The following CNTLN variants were observed in gnomAD, a reference collection of about 807,000 sequenced individuals.
CNTLN encodes centlein, also known as centlein, centrosomal protein.
In CNTLN, 212 loss-of-function variants were observed where a neutral mutation model predicts 180.0. The ratio of observed to expected loss-of-function variants is 1.18; its 90% CI spans 1.05 to 1.32. The LOEUF (loss-of-function observed/expected upper bound fraction) is 1.32, where lower values mean the gene tolerates loss of function less well. CNTLN is among the 40% of genes most tolerant of loss of function. The probability of loss-of-function intolerance (pLI) is 0.00; values close to 1 mark genes in which losing one functional copy is unlikely to be tolerated. For missense variants in CNTLN, 2,095 were observed against 1,610.9 expected, an observed-to-expected ratio of 1.30 and a Z score of -5.14; for synonymous variants, 722 against 563.1, an observed-to-expected ratio of 1.28 and a Z score of -3.99.
At chr9:17,308,309 C>A (rs1818875888) in intron 7 of CNTLN, among the ~76,000 whole-genome samples, 1 of 152,100 alleles carries the variant, frequency 6.6e-6, no homozygotes, top group Non-Finnish European at 1.5e-5. Context: ...AATATTGCTT[C>A]TATTTTTTCA....
chr9:17,468,120 C>T (rs936303064), intron 23 of CNTLN, among the ~76,000 whole-genome samples: 1 of 151,532 alleles, frequency 6.6e-6, no homozygotes, highest in African/African-American at 2.4e-5. Flanking sequence ...GGCCATTATC[C>T]TAAGTGAACT....
chr9:17,157,166 ACT>A (rs774664035), intron 2 of CNTLN, among the ~76,000 whole-genome samples: 3 of 151,870 alleles, frequency 2.0e-5, no homozygotes, highest in East Asian at 1.9e-4. Flanking sequence ...TTTTGAGAAG[ACT>A]CTTTTTCTGA....
At chr9:17,146,332 C>A (rs942872547) in intron 2 of CNTLN, among the ~76,000 whole-genome samples, 1 of 151,952 alleles carries the variant, frequency 6.6e-6, no homozygotes, top group South Asian at 2.1e-4. Context: ...TGTTGTATCT[C>A]CTCAGTGGCC....
At chr9:17,460,212 C>T (rs928319254) in intron 19 of CNTLN, among the ~76,000 whole-genome samples, 1 of 151,662 alleles carries the variant, frequency 6.6e-6, no homozygotes, top group African/African-American at 2.4e-5. Context: ...CACACAAGTA[C>T]TGTACATAGA....
At chr9:17,267,951 C>G (rs903879112) in intron 5 of CNTLN, among the ~76,000 whole-genome samples, 4 of 151,500 alleles carry the variant, frequency 2.6e-5, no homozygotes, top group African/African-American at 9.7e-5. Flanking sequence ...ATTTTTTTTT[C>G]AAACTTTTAA....
chr9:17,332,501 A>C, intron 9 of CNTLN, 104 bp from the exon 10 acceptor site: 1 of 1,041,310 alleles, frequency 9.6e-7, no homozygotes, highest in East Asian at 3.3e-5. Context: ...TTTTTTTTTT[A>C]TAATTCATTA....
intron 25 of CNTLN, among the ~76,000 whole-genome samples, chr9:17,496,040 A>T (rs2134390770): frequency 6.6e-6 from 1 of 152,284 alleles, no homozygotes; most frequent in African/African-American, 2.4e-5. Flanking sequence ...ATTTCTCAAA[A>T]TGCATCCCTA....
intron 10 of CNTLN, among the ~76,000 whole-genome samples, 199 bp downstream of exon 10, chr9:17,332,929 G>A (rs1317364833): frequency 2.0e-5 from 3 of 151,968 alleles, no homozygotes; most frequent in Admixed American, 6.6e-5. Flanking sequence ...TACTTGAAAA[G>A]TAAATGTTTA....
At chr9:17,395,768 G>T (rs1468117096) in intron 15 of CNTLN, among the ~76,000 whole-genome samples, 1 of 152,092 alleles carries the variant, frequency 6.6e-6, no homozygotes, top group East Asian at 1.9e-4. Flanking sequence ...TCTTACCCCT[G>T]GCTATACATT....
At chr9:17,218,824 C>T (rs1214089178) in intron 2 of CNTLN, among the ~76,000 whole-genome samples, 9 of 151,928 alleles carry the variant, frequency 5.9e-5, no homozygotes, top group Admixed American at 5.9e-4. Context: ...TTTTTTTAGA[C>T]TCTAATATTT....
At chr9:17,441,389 A>G (rs1830098379) in intron 18 of CNTLN, among the ~76,000 whole-genome samples, 1 of 152,216 alleles carries the variant, frequency 6.6e-6, no homozygotes, top group Non-Finnish European at 1.5e-5. Flanking sequence ...TGAATACATA[A>G]TATAAAAAGA....
intron 18 of CNTLN, among the ~76,000 whole-genome samples, chr9:17,450,080 A>T (rs1183592113): frequency 6.6e-6 from 1 of 152,224 alleles, no homozygotes; most frequent in Admixed American, 6.5e-5. Context: ...TGTTATTGAG[A>T]GTAGCGTATC....
chr9:17,135,148 G>A lies in CNTLN; in HGVS notation c.83G>A (p.Gly28Glu), dbSNP rs770285255. 4 of 1,608,674 alleles carry A rather than the reference G, an allele frequency of 2.5e-6. No homozygotes were observed. Among genetic ancestry groups the A allele is most frequent in the Non-Finnish European group, 3.4e-6 (4 of 1,178,364 alleles). Residue 28 changes from glycine (G) to glutamate (E), a missense_variant, in exon 1 of 26, where the codon GGA becomes GAA. By Grantham distance (98) the Gly-to-Glu change is moderately conservative. Transcript: ENST00000380647. The part of the protein sequence containing the change: ...LGPRSPRVGR[G>E]AEVHAMRSEA... ...CCCAGGTCCCCACGTGTTGGGCGGG[G>A]AGCTGAAGTACACGCAATGCGCAGC...
intron 13 of CNTLN, among the ~76,000 whole-genome samples, chr9:17,376,318 A>ATACT (rs1475678371): frequency 1.3e-5 from 2 of 152,318 alleles, no homozygotes; most frequent in South Asian, 4.1e-4. Context: ...AAAATTATAC[A>ATACT]TACTTACATT....
At chr9:17,262,729 AC>A (rs1232390555) in intron 5 of CNTLN, among the ~76,000 whole-genome samples, 1 of 151,426 alleles carries the variant, frequency 6.6e-6, no homozygotes, top group Non-Finnish European at 1.5e-5. Context: ...GTATCTGAGA[AC>A]TTAAAAAAAA....
At chr9:17,209,007 A>T (rs1327117068) in intron 2 of CNTLN, among the ~76,000 whole-genome samples, 1 of 151,714 alleles carries the variant, frequency 6.6e-6, no homozygotes, top group East Asian at 1.9e-4. Context: ...GCCCTTTCCT[A>T]GTTCTTTAAG....
chr9:17,264,312 A>G (rs111789250), intron 5 of CNTLN, among the ~76,000 whole-genome samples: 3 of 151,182 alleles, frequency 2.0e-5, no homozygotes, highest in South Asian at 2.1e-4. Flanking sequence ...TCCTTTCCCC[A>G]TTGCTTGTTT....
At chr9:17,352,392 A>G (rs1822439615) in intron 12 of CNTLN, among the ~76,000 whole-genome samples, 1 of 31,128 alleles carries the variant, frequency 3.2e-5, no homozygotes, top group Admixed American at 4.0e-4. Context: ...AAGCTAGAAT[A>G]TATATATATA....
At chr9:17,324,897 T>C (rs1331726823) in intron 8 of CNTLN, among the ~76,000 whole-genome samples, 2 of 152,080 alleles carry the variant, frequency 1.3e-5, no homozygotes, top group Non-Finnish European at 2.9e-5. Flanking sequence ...TGATAGTTTA[T>C]TTTTTACTCA....
Sources: allele counts gnomAD v4.1 joint callset (sites outside exome capture counted in the v4.1 genomes callset), GRCh38; gene constraint gnomAD v4.1.1; transcripts MANE v1.5; gene names NCBI Gene and HGNC (gene_info 2026-07-23, HGNC 2026-07-21).